The following ST8SIA1 variants were observed in gnomAD, a reference collection of about 807,000 sequenced individuals.
ST8SIA1 encodes the protein alpha-N-acetylneuraminide alpha-2,8-sialyltransferase.
ST8SIA1 carries 16 observed loss-of-function variants against 35.9 expected under a neutral mutation model. The ratio of observed to expected loss-of-function variants is 0.45; its 90% CI spans 0.30 to 0.68. The LOEUF is 0.68. ST8SIA1 is among the 30% of genes least tolerant of loss of function. The probability of loss-of-function intolerance (pLI) is 0.09; values close to 1 mark genes in which losing one functional copy is unlikely to be tolerated. For missense variants in ST8SIA1, 383 were observed against 453.6 expected (o/e 0.84, Z 1.41); for synonymous variants, 170 against 169.6 (o/e 1.00, Z -0.02).
chr12:22,275,774 A>G (rs1260028481), intron 2 of ST8SIA1, among the ~76,000 whole-genome samples: 7 of 152,212 alleles, frequency 4.6e-5, no homozygotes, highest in Admixed American at 4.6e-4. Flanking sequence ...GCTGCATGGA[A>G]ACCAGATGGG....
intron 3 of ST8SIA1, among the ~76,000 whole-genome samples, chr12:22,251,235 C>T (rs1865666470): frequency 1.3e-5 from 2 of 152,164 alleles, no homozygotes; most frequent in Admixed American, 6.5e-5. Flanking sequence ...CTGAGTATTG[C>T]TGGAGAGTAC....
intron 1 of ST8SIA1, among the ~76,000 whole-genome samples, chr12:22,321,505 CA>C: frequency 6.6e-6 from 1 of 152,206 alleles, no homozygotes; most frequent in East Asian, 1.9e-4. Context: ...CCTTCTGCCG[CA>C]AGCGCCTAGA....
intron 2 of ST8SIA1, among the ~76,000 whole-genome samples, chr12:22,283,581 A>G (rs1321828600): frequency 2.6e-5 from 4 of 152,210 alleles, no homozygotes; most frequent in Non-Finnish European, 5.9e-5. Flanking sequence ...CGCATGTTTT[A>G]AAAATCCTGT....
chr12:22,321,564 T>C (rs920789713), intron 1 of ST8SIA1, among the ~76,000 whole-genome samples: 17 of 152,206 alleles, frequency 1.1e-4, no homozygotes, highest in South Asian at 4.1e-4. Flanking sequence ...AGAATTTTCA[T>C]TGTGCTTTAA....
chr12:22,238,086 T>C (rs1865494976), intron 4 of ST8SIA1, among the ~76,000 whole-genome samples: 1 of 152,176 alleles, frequency 6.6e-6, no homozygotes, highest in Admixed American at 6.5e-5. Context: ...AAGGGCAGAC[T>C]GTGGCAGATT....
intron 4 of ST8SIA1, among the ~76,000 whole-genome samples, chr12:22,236,014 G>A (rs1232703137): frequency 2.1e-4 from 32 of 152,234 alleles, no homozygotes; most frequent in Admixed American, 2.0e-3. Flanking sequence ...GAATTAAGGG[G>A]AAATAATTTC....
chr12:22,294,085 C>T (rs1034402288), intron 1 of ST8SIA1, among the ~76,000 whole-genome samples: 1 of 151,722 alleles, frequency 6.6e-6, no homozygotes, highest in African/African-American at 2.4e-5. Context: ...GACATATTTT[C>T]TATATGATCT....
At chr12:22,326,339 ACT>A (rs1235863596) in intron 1 of ST8SIA1, 1 of 154,114 alleles carries the variant, frequency 6.5e-6, no homozygotes, top group Non-Finnish European at 1.4e-5. Flanking sequence ...CTCAGCACTA[ACT>A]CTGTGAAAAA....
At chr12:22,203,232 A>T (rs1865070077) in intron 4 of ST8SIA1, among the ~76,000 whole-genome samples, 1 of 152,154 alleles carries the variant, frequency 6.6e-6, no homozygotes, top group Admixed American at 6.6e-5. Flanking sequence ...GGGTAGAGAG[A>T]GAGAAAAGCA....
intron 2 of ST8SIA1, chr12:22,286,438 A>G (rs1565586965): frequency 1.9e-6 from 1 of 518,876 alleles, no homozygotes; most frequent in East Asian, 5.5e-5. Context: ...GGTGGCTAAA[A>G]GATGTCTTGG....
chr12:22,267,989 A>C (rs991350123), intron 2 of ST8SIA1, among the ~76,000 whole-genome samples: 1 of 152,176 alleles, frequency 6.6e-6, no homozygotes, highest in African/African-American at 2.4e-5. Flanking sequence ...CGTCTCACTA[A>C]GCAGACATTC....
intron 4 of ST8SIA1, among the ~76,000 whole-genome samples, chr12:22,232,313 G>A (rs1290333748): frequency 6.6e-6 from 1 of 152,186 alleles, no homozygotes; most frequent in Non-Finnish European, 1.5e-5. Flanking sequence ...AGTGGAGGAG[G>A]TGAATAATGG....
intron 2 of ST8SIA1, among the ~76,000 whole-genome samples, chr12:22,257,615 T>G (rs1000520707): frequency 6.6e-6 from 1 of 151,824 alleles, no homozygotes; most frequent in Non-Finnish European, 1.5e-5. Context: ...CTCACAGATC[T>G]CTGCGGGAAC....
chr12:22,224,635 T>C (rs188086429), intron 4 of ST8SIA1, among the ~76,000 whole-genome samples: 76 of 152,324 alleles, frequency 5.0e-4, no homozygotes, highest in African/African-American at 1.8e-3. Flanking sequence ...AGATTTTATG[T>C]TTTTGACAAG....
chr12:22,206,613 G>A (rs1288238162), intron 4 of ST8SIA1, among the ~76,000 whole-genome samples: 1 of 152,156 alleles, frequency 6.6e-6, no homozygotes, highest in African/African-American at 2.4e-5. Context: ...CTGACACTGA[G>A]TAGCCCAAGG....
Position 22,249,076 on chromosome 12 carries a change from T to C in ST8SIA1, c.514A>G (p.Ser172Gly), listed in dbSNP as rs1194879986. 1.2e-6 allele frequency: 2 copies of C among 1,613,508 alleles called. No homozygotes were observed. Among genetic ancestry groups the C allele is most frequent in the South Asian group, 1.1e-5 (1 of 91,038 alleles). The stretch of plus-strand genomic sequence containing the variant: ...GATCCAACATCCTTAGTGTATTCAC[T>C]TGACAAAGGAGGGAGATTGCATCTA... ...VMRCNLPPLS[S>G]EYTKDVGSKS... The change falls in exon 4 of 5, where the codon AGT (serine) becomes GGT (glycine). Residue 172 changes from serine (S) to glycine (G), a missense_variant. Physicochemically the swap from Ser to Gly is moderately conservative, Grantham distance 56. Coordinates refer to ENST00000396037, the MANE Select transcript of ST8SIA1 (RefSeq NM_003034.4).
chr12:22,301,993 G>T (rs1368005826), intron 1 of ST8SIA1, among the ~76,000 whole-genome samples: 4 of 152,090 alleles, frequency 2.6e-5, no homozygotes, highest in Non-Finnish European at 5.9e-5. Flanking sequence ...AATTATTCTT[G>T]CTGTACTTTA....
chr12:22,218,399 C>G (rs942614570), intron 4 of ST8SIA1, among the ~76,000 whole-genome samples: 3 of 151,732 alleles, frequency 2.0e-5, no homozygotes, highest in Admixed American at 6.6e-5. Context: ...GGGAGGATCA[C>G]TTGAGGTCAG....
chr12:22,305,140 CTCTT>C (rs960385123), intron 1 of ST8SIA1, among the ~76,000 whole-genome samples: 2 of 152,202 alleles, frequency 1.3e-5, no homozygotes, highest in African/African-American at 4.8e-5. Flanking sequence ...CCTAATATAT[CTCTT>C]TATTTATGTG....
Sources: allele counts gnomAD v4.1 joint callset (sites outside exome capture counted in the v4.1 genomes callset), GRCh38; gene constraint gnomAD v4.1.1; transcripts MANE v1.5; gene names NCBI Gene and HGNC (gene_info 2026-07-23, HGNC 2026-07-21).